KCND2: variants seen among roughly 807,000 people sequenced by gnomAD.
The protein encoded by KCND2 is potassium voltage-gated channel subfamily D member 2, also known as A-type voltage-gated potassium channel KCND2.
KCND2 carries 16 observed loss-of-function variants against 54.4 expected under a neutral mutation model. The ratio of observed to expected loss-of-function variants is 0.29; its 90% confidence interval spans 0.20 to 0.45. KCND2 has a LOEUF of 0.45. Among genes scored for constraint, KCND2 ranks in the 20% least tolerant of loss-of-function variants. KCND2 has a pLI of 1.00. For synonymous variants in KCND2, 317 were observed against 310.7 expected (o/e 1.02, Z -0.21); for missense variants, 486 against 824.2 (o/e 0.59, Z 5.02).
intron 1 of KCND2, among the ~76,000 whole-genome samples, chr7:120,477,444 C>T (rs1002292704): frequency 6.6e-6 from 1 of 151,926 alleles, no homozygotes; most frequent in African/African-American, 2.4e-5. Flanking sequence ...TGAAGCTGCT[C>T]TAAAAATGAA....
At chr7:120,377,943 C>A (rs906471094) in intron 1 of KCND2, among the ~76,000 whole-genome samples, 19 of 151,836 alleles carry the variant, frequency 1.3e-4, no homozygotes, top group Admixed American at 1.1e-3. Context: ...GTAATGTGAC[C>A]CCCACTAAAG....
At chr7:120,743,960 C>T (rs1418062609) in intron 4 of KCND2, among the ~76,000 whole-genome samples, 2 of 152,214 alleles carry the variant, frequency 1.3e-5, no homozygotes, top group Admixed American at 6.5e-5. Flanking sequence ...TTAAATGATA[C>T]ATTAATAATA....
chr7:120,672,246 A>G (rs536560163), intron 1 of KCND2, among the ~76,000 whole-genome samples: 38 of 152,214 alleles, frequency 2.5e-4, no homozygotes, highest in African/African-American at 9.1e-4. Context: ...AAAATCATAA[A>G]GGAAAAGTTC....
intron 1 of KCND2, among the ~76,000 whole-genome samples, chr7:120,333,842 T>C (rs73431929): frequency 0.021 from 3,160 of 152,242 alleles, 126 homozygotes; most frequent in African/African-American, 0.072. Context: ...GGTTTGTAGA[T>C]AATCTTTCAG....
chr7:120,729,688 AC>A (rs2116135198), intron 1 of KCND2, among the ~76,000 whole-genome samples: 1 of 152,326 alleles, frequency 6.6e-6, no homozygotes, highest in Admixed American at 6.5e-5. Context: ...CCACTGATGA[AC>A]ACTTTGTGCC....
rs542006896 is a variant in KCND2, at chr7:120,629,483, C to T, written c.1116-103420C>T. Among the ~76,000 whole-genome samples the T allele has an allele frequency of 5.3e-5, 8 of 152,054 alleles. No homozygotes were observed. The South Asian group carries it at 1.7e-3, about 32-fold the overall frequency. On this transcript the variant is annotated intron_variant, in intron 1 of 5. Coordinates refer to ENST00000331113, the MANE Select transcript of KCND2 (RefSeq NM_012281.3). ...CCTGGGCGACAGAGCGAGACTCCGTCTCGGGGGTGGGGTGGAAAAAAAAAG... is the reference window on the plus strand; with the variant it reads ...CCTGGGCGACAGAGCGAGACTCCGTTTCGGGGGTGGGGTGGAAAAAAAAAG...
chr7:120,452,963 A>T (rs573479668), intron 1 of KCND2, among the ~76,000 whole-genome samples: 2 of 152,128 alleles, frequency 1.3e-5, no homozygotes, highest in African/African-American at 2.4e-5. Flanking sequence ...GCTAGGCAGC[A>T]TGGCCTCAGA....
chr7:120,514,540 A>G (rs1257042737), intron 1 of KCND2, among the ~76,000 whole-genome samples: 2 of 152,168 alleles, frequency 1.3e-5, no homozygotes, highest in African/African-American at 4.8e-5. Context: ...ATAAGTATTT[A>G]TAAAATGTGT....
At chr7:120,400,766 T>C (rs1488326417) in intron 1 of KCND2, among the ~76,000 whole-genome samples, 2 of 152,158 alleles carry the variant, frequency 1.3e-5, no homozygotes, top group Non-Finnish European at 2.9e-5. Context: ...AGTCTGTGAC[T>C]GTGCATCTAA....
At chr7:120,481,414 C>T (rs1433785479) in intron 1 of KCND2, among the ~76,000 whole-genome samples, 2 of 151,952 alleles carry the variant, frequency 1.3e-5, no homozygotes, top group African/African-American at 4.8e-5. Flanking sequence ...GTGGCCTGGC[C>T]ATGTAAAGAA....
chr7:120,310,215 G>A lies in KCND2; in HGVS notation c.1115+34468G>A, dbSNP rs181679765. Among the ~76,000 whole-genome samples, 7 of 152,246 alleles carry A rather than the reference G, an allele frequency of 4.6e-5. No homozygotes were observed. The East Asian group carries it at 7.7e-4, about 17-fold the overall frequency. ...TTATAATGAAATGCTTTAAAAATAT[G>A]TAAATAAAGGATAAATGTTCTATTA... is the stretch of plus-strand genomic sequence containing the variant. On this transcript the variant is annotated intron_variant, in intron 1 of 5. Transcript: ENST00000331113.
At chr7:120,529,288 C>T (rs895191875) in intron 1 of KCND2, among the ~76,000 whole-genome samples, 2 of 152,118 alleles carry the variant, frequency 1.3e-5, no homozygotes, top group African/African-American at 4.8e-5. Flanking sequence ...GGAGCTTATT[C>T]AGCAATAAAA....
intron 1 of KCND2, among the ~76,000 whole-genome samples, chr7:120,609,919 C>G (rs58615409): frequency 0.016 from 2,475 of 152,178 alleles, 56 homozygotes; most frequent in African/African-American, 0.055. Context: ...AATTATCCAC[C>G]TAGGACTTAA....
chr7:120,678,778 A>G (rs1479222889), intron 1 of KCND2, among the ~76,000 whole-genome samples: 3 of 130,080 alleles, frequency 2.3e-5, no homozygotes, highest in African/African-American at 9.6e-5. Flanking sequence ...ATATATATAT[A>G]CACATAAACA....
At chr7:120,592,584 A>T (rs1357338169) in intron 1 of KCND2, among the ~76,000 whole-genome samples, 1 of 152,218 alleles carries the variant, frequency 6.6e-6, no homozygotes, top group Non-Finnish European at 1.5e-5. Context: ...CTATCAATTA[A>T]TTATACAATA....
At chr7:120,689,395 A>G (rs1792242621) in intron 1 of KCND2, among the ~76,000 whole-genome samples, 1 of 152,208 alleles carries the variant, frequency 6.6e-6, no homozygotes, top group Non-Finnish European at 1.5e-5. Context: ...ATAGATATTT[A>G]ATTTTATATT....
chr7:120,284,708 T>C (rs917973120), intron 1 of KCND2, among the ~76,000 whole-genome samples: 1 of 152,166 alleles, frequency 6.6e-6, no homozygotes, highest in African/African-American at 2.4e-5. Context: ...TCATGAAATT[T>C]ATATAAAATT....
intron 1 of KCND2, among the ~76,000 whole-genome samples, chr7:120,723,358 A>G (rs1417993250): frequency 1.3e-5 from 2 of 152,170 alleles, no homozygotes; most frequent in African/African-American, 4.8e-5. Flanking sequence ...AAAAATAACT[A>G]CCACACGATG....
At chr7:120,384,558 T>A (rs922681184) in intron 1 of KCND2, among the ~76,000 whole-genome samples, 5 of 152,146 alleles carry the variant, frequency 3.3e-5, no homozygotes, top group Non-Finnish European at 7.4e-5. Flanking sequence ...GCACATTGCA[T>A]ATACATGAAA....
Sources: gnomAD v4.1 joint callset for allele counts (sites outside exome capture counted in the v4.1 genomes callset) on GRCh38, gnomAD v4.1.1 for gene constraint, MANE v1.5 for transcripts, NCBI Gene and HGNC (gene_info 2026-07-23, HGNC 2026-07-21) for gene names.